Variants in EPHA6 observed in about 807,000 individuals in gnomAD.
EPHA6 encodes the protein ephrin type-A receptor 6.
Under a neutral mutation model 112.0 loss-of-function variants are expected in EPHA6, and 50 were observed. The observed-to-expected ratio is 0.45, with a 90% CI of 0.36 to 0.56. The LOEUF (loss-of-function observed/expected upper bound fraction) is 0.56. EPHA6 is among the 20% of genes least tolerant of loss of function. The pLI, the probability that EPHA6 is intolerant of heterozygous loss-of-function variation, is 0.00. For missense variants in EPHA6, 1,280 were observed against 1,417.4 expected, an observed-to-expected ratio of 0.90 and a Z score of 1.56; for synonymous variants, 529 against 490.7, an observed-to-expected ratio of 1.08 and a Z score of -1.03.
At chr3:96,816,769 G>A (rs2032819931) in intron 1 of EPHA6, among the ~76,000 whole-genome samples, 1 of 151,916 alleles carries the variant, frequency 6.6e-6, no homozygotes, top group African/African-American at 2.4e-5. Flanking sequence ...TGACCCTAAA[G>A]TGCCATTCTG....
At chr3:97,099,202 GA>G (rs1411231023) in intron 3 of EPHA6, among the ~76,000 whole-genome samples, 1 of 151,764 alleles carries the variant, frequency 6.6e-6, no homozygotes, top group African/African-American at 2.4e-5. Context: ...AATCACAGTT[GA>G]GGTATCTATT....
intron 5 of EPHA6, among the ~76,000 whole-genome samples, chr3:97,303,612 A>G (rs2081188110): frequency 1.3e-5 from 2 of 152,026 alleles, no homozygotes. Context: ...AGAAATAGAA[A>G]GATTACAGAG....
chr3:96,972,120 G>A (rs763102414), intron 2 of EPHA6, among the ~76,000 whole-genome samples: 41 of 151,858 alleles, frequency 2.7e-4, no homozygotes, highest in Admixed American at 5.9e-4. Context: ...ATTTAAAAAC[G>A]CATTTAGTCT....
chr3:97,587,669 T>C lies in EPHA6; in HGVS notation c.2387-4943T>C, dbSNP rs79345436. On this transcript the variant is annotated intron_variant, in intron 11 of 17. Coordinates refer to ENST00000389672, the MANE Select transcript of EPHA6 (RefSeq NM_001080448.3). ...CAATAGTGCTCCTGGTGGTTTTTTG[T>C]GGCCTCCTCTTTTTAGATACCATCC... Among the ~76,000 whole-genome samples, 374 of 152,312 alleles carry C rather than the reference T, an allele frequency of 2.5e-3. 2 individuals are homozygous for C. Among genetic ancestry groups the C allele is most frequent in the African/African-American group, 8.7e-3 (361 of 41,572 alleles).
At chr3:97,201,367 A>C (rs1320683398) in intron 3 of EPHA6, among the ~76,000 whole-genome samples, 1 of 152,100 alleles carries the variant, frequency 6.6e-6, no homozygotes, top group Non-Finnish European at 1.5e-5. Flanking sequence ...CTTCAATTTT[A>C]TATAATTATT....
At chr3:97,187,688 G>GGAAATAAA (rs1553718538) in intron 3 of EPHA6, among the ~76,000 whole-genome samples, 1 of 108,016 alleles carries the variant, frequency 9.3e-6, no homozygotes, top group Non-Finnish European at 1.9e-5. Flanking sequence ...AAAGAAAGAA[G>GGAAATAAA]GAAAGAAAGA....
At chr3:96,981,141 G>A (rs534637329) in intron 2 of EPHA6, among the ~76,000 whole-genome samples, 2 of 152,238 alleles carry the variant, frequency 1.3e-5, no homozygotes, top group South Asian at 4.2e-4. Context: ...TTTTCAAAGG[G>A]AATGCTTCCA....
rs144207315 is a variant in EPHA6 at position 97,365,082 on chromosome 3, A to G, written c.1607-40068A>G. Among the ~76,000 whole-genome samples the G allele has an allele frequency of 4.1e-4, 62 of 152,324 alleles. 1 individual carries two copies. In the East Asian group the frequency reaches 6.4e-3, roughly 16 times the overall value. On this transcript the variant is annotated intron_variant, in intron 5 of 17. Transcript: ENST00000389672. ...TGCTCTACTTGATATACAGAATGCAATCACGGAAAATGAAAGATGTAGATA... is the reference window on the plus strand; with the variant it reads ...TGCTCTACTTGATATACAGAATGCAGTCACGGAAAATGAAAGATGTAGATA...
chr3:96,975,161 C>T (rs2042472489), intron 2 of EPHA6, among the ~76,000 whole-genome samples: 1 of 152,064 alleles, frequency 6.6e-6, no homozygotes, highest in Non-Finnish European at 1.5e-5. Context: ...TACCAGATAC[C>T]TGCCCTATGA....
At chr3:97,440,719 A>T (rs1168456463) in intron 6 of EPHA6, among the ~76,000 whole-genome samples, 5 of 151,864 alleles carry the variant, frequency 3.3e-5, no homozygotes, top group African/African-American at 9.6e-5. Flanking sequence ...AAAATAAATT[A>T]GAAGGAATGA....
At chr3:97,441,389 A>G in intron 6 of EPHA6, 1 of 869,846 alleles carries the variant, frequency 1.1e-6, no homozygotes, top group Non-Finnish European at 1.4e-6. Flanking sequence ...TCCATAATTC[A>G]TTTCACATTT....
chr3:97,227,982 T>C (rs1328734774), intron 4 of EPHA6, among the ~76,000 whole-genome samples: 2 of 152,076 alleles, frequency 1.3e-5, no homozygotes, highest in Non-Finnish European at 2.9e-5. Context: ...GGAGTGGGTC[T>C]TTAAAAAGGG....
At chr3:97,318,418 A>G (rs926288520) in intron 5 of EPHA6, among the ~76,000 whole-genome samples, 11 of 151,898 alleles carry the variant, frequency 7.2e-5, no homozygotes, top group African/African-American at 2.7e-4. Flanking sequence ...CACCTATCGA[A>G]CTCTGTGTTT....
intron 2 of EPHA6, among the ~76,000 whole-genome samples, chr3:96,923,482 G>GT (rs545077444): frequency 0.049 from 7,160 of 146,740 alleles, 546 homozygotes; most frequent in African/African-American, 0.16. Context: ...ACTATTTAAG[G>GT]TTTTTTTTTT....
chr3:97,483,911 T>C, intron 9 of EPHA6, 23 bp from the exon 10 acceptor site: 1 of 1,582,488 alleles, frequency 6.3e-7, no homozygotes, highest in Non-Finnish European at 8.6e-7. Context: ...ACTAAATCAA[T>C]CGTTTTGTTA....
At chr3:97,522,513 T>A (rs544345313) in intron 10 of EPHA6, among the ~76,000 whole-genome samples, 1 of 152,326 alleles carries the variant, frequency 6.6e-6, no homozygotes, top group Non-Finnish European at 1.5e-5. Flanking sequence ...AGTTCTGTTT[T>A]TTTATATTGT....
intron 2 of EPHA6, among the ~76,000 whole-genome samples, chr3:96,874,972 A>T (rs372540785): frequency 2.0e-5 from 3 of 152,064 alleles, no homozygotes; most frequent in South Asian, 4.1e-4. Context: ...AACATAGAAG[A>T]TGCAGAGGAA....
intron 6 of EPHA6, among the ~76,000 whole-genome samples, chr3:97,409,127 ACAAAGAAAGC>A (rs2087547949): frequency 1.3e-5 from 2 of 152,134 alleles, no homozygotes. Flanking sequence ...CAGAAAAGAA[ACAAAGAAAGC>A]CAGCAAGACT....
chr3:97,725,767 C>T (rs1039097540), intron 15 of EPHA6, among the ~76,000 whole-genome samples: 2 of 152,106 alleles, frequency 1.3e-5, no homozygotes, highest in Non-Finnish European at 1.5e-5. Flanking sequence ...CCCTCCCACA[C>T]TGTGACAACC....
Sources: allele counts gnomAD v4.1 joint callset (sites outside exome capture counted in the v4.1 genomes callset), GRCh38; gene constraint gnomAD v4.1.1; transcripts MANE v1.5; gene names NCBI Gene and HGNC (gene_info 2026-07-23, HGNC 2026-07-21).